Variants in AGMO observed in about 807,000 individuals in gnomAD.
AGMO encodes alkylglycerol monooxygenase, also known as glyceryl-ether monooxygenase.
In AGMO, 75 loss-of-function variants were observed where a neutral mutation model predicts 60.2. That is an observed-to-expected ratio of 1.25 (90% confidence interval 1.03 to 1.51). The LOEUF (loss-of-function observed/expected upper bound fraction) is 1.51. Among genes scored for constraint, AGMO ranks in the 40% most tolerant of loss-of-function variants. The pLI, the probability that AGMO is intolerant of heterozygous loss-of-function variation, is 0.00. For synonymous variants in AGMO, 261 were observed against 177.1 expected (o/e 1.47, Z -3.76); for missense variants, 763 against 525.5 (o/e 1.45, Z -4.42).
intron 5 of AGMO, among the ~76,000 whole-genome samples, chr7:15,400,294 A>G (rs10255475): frequency 0.089 from 13,554 of 152,148 alleles, 1,129 homozygotes; most frequent in African/African-American, 0.22. Context: ...GCAATTTTTA[A>G]TGTTTGGAGA....
At chr7:15,269,557 T>C (rs142946607) in intron 12 of AGMO, among the ~76,000 whole-genome samples, 1 of 151,972 alleles carries the variant, frequency 6.6e-6, no homozygotes, top group Non-Finnish European at 1.5e-5. Flanking sequence ...TTATTGAGGG[T>C]AATAAGGTCC....
chr7:15,464,681 T>C (rs2128509796), intron 3 of AGMO, among the ~76,000 whole-genome samples: 1 of 152,320 alleles, frequency 6.6e-6, no homozygotes, highest in Non-Finnish European at 1.5e-5. Flanking sequence ...GAGACTATAA[T>C]GTCATAACAT....
chr7:15,286,990 T>C (rs1394258936), intron 12 of AGMO, among the ~76,000 whole-genome samples: 2 of 152,244 alleles, frequency 1.3e-5, no homozygotes, highest in East Asian at 1.9e-4. Context: ...CCAAATACCA[T>C]ATGCTTTCAC....
At chr7:15,321,805 G>T (rs2128538905) in intron 12 of AGMO, among the ~76,000 whole-genome samples, 1 of 152,006 alleles carries the variant, frequency 6.6e-6, no homozygotes, top group African/African-American at 2.4e-5. Flanking sequence ...TGGCTAGATT[G>T]ATTATTATTC....
At chr7:15,407,745 A>T (rs1260556671) in intron 5 of AGMO, among the ~76,000 whole-genome samples, 1 of 151,894 alleles carries the variant, frequency 6.6e-6, no homozygotes, top group Non-Finnish European at 1.5e-5. Flanking sequence ...ATGTTTACAT[A>T]TACACACAAA....
At chr7:15,281,764 T>C (rs62450286) in intron 12 of AGMO, among the ~76,000 whole-genome samples, 10,523 of 152,198 alleles carry the variant, frequency 0.069, 537 homozygotes, top group South Asian at 0.19. Flanking sequence ...GCCTAAACTA[T>C]TCAACCCAGT....
chr7:15,373,555 G>T (rs1265118898), intron 10 of AGMO, among the ~76,000 whole-genome samples: 1 of 151,994 alleles, frequency 6.6e-6, no homozygotes, highest in East Asian at 1.9e-4. Flanking sequence ...TCTTGAAGAG[G>T]ACTATCACTG....
At chr7:15,133,976 C>T in the AGMO span, among the ~76,000 whole-genome samples, 1 of 152,134 alleles carries the variant, frequency 6.6e-6, no homozygotes, top group African/African-American at 2.4e-5. Context: ...CTTTTGCACA[C>T]CTTTCTGTTA....
chr7:15,126,843 A>T, the AGMO span, among the ~76,000 whole-genome samples: 1 of 152,082 alleles, frequency 6.6e-6, no homozygotes, highest in Non-Finnish European at 1.5e-5. Flanking sequence ...ATCAACTAAG[A>T]GCCAGGCACC....
chr7:15,395,720 T>G (rs913980663), intron 5 of AGMO, among the ~76,000 whole-genome samples: 1 of 152,234 alleles, frequency 6.6e-6, no homozygotes, highest in South Asian at 2.1e-4. Flanking sequence ...AAAAAGTTTG[T>G]TAAAAATTTA....
the AGMO span, among the ~76,000 whole-genome samples, chr7:15,132,525 T>C: frequency 6.6e-6 from 1 of 152,156 alleles, no homozygotes; most frequent in East Asian, 1.9e-4. Flanking sequence ...TTTCTCCCTC[T>C]CCTTATCTCC....
chr7:15,390,089 G>C (rs571914538), intron 8 of AGMO, among the ~76,000 whole-genome samples: 1 of 151,936 alleles, frequency 6.6e-6, no homozygotes, highest in Admixed American at 6.6e-5. Flanking sequence ...TGACTCTGAC[G>C]GATCAGAGCT....
chr7:15,159,811 C>T, the AGMO span, among the ~76,000 whole-genome samples: 1 of 152,152 alleles, frequency 6.6e-6, no homozygotes, highest in Non-Finnish European at 1.5e-5. Flanking sequence ...TTCTCAAGGT[C>T]CAATCGGTCC....
chr7:15,224,925 T>G (rs1002641862), intron 12 of AGMO, among the ~76,000 whole-genome samples: 3 of 152,028 alleles, frequency 2.0e-5, no homozygotes, highest in Non-Finnish European at 4.4e-5. Flanking sequence ...TTTTTTAACT[T>G]GTGATAAAAA....
chr7:15,280,000 G>A (rs1449568263), intron 12 of AGMO, among the ~76,000 whole-genome samples: 1 of 152,192 alleles, frequency 6.6e-6, no homozygotes, highest in Non-Finnish European at 1.5e-5. Context: ...AGTGGTCACA[G>A]GTTGAAAGAA....
intron 3 of AGMO, among the ~76,000 whole-genome samples, chr7:15,508,647 C>T (rs1238035937): frequency 6.6e-6 from 1 of 151,970 alleles, no homozygotes; most frequent in East Asian, 1.9e-4. Context: ...TAAGAATGCT[C>T]GCACAAGACA....
intron 12 of AGMO, among the ~76,000 whole-genome samples, chr7:15,263,825 A>G (rs549388863): frequency 7.2e-5 from 11 of 152,290 alleles, no homozygotes; most frequent in African/African-American, 2.4e-4. Flanking sequence ...GGAAAACCAA[A>G]CATCGTATGT....
intron 3 of AGMO, among the ~76,000 whole-genome samples, chr7:15,526,288 A>G (rs538771636): frequency 6.6e-6 from 1 of 152,258 alleles, no homozygotes; most frequent in East Asian, 1.9e-4. Flanking sequence ...AGGCCCTACA[A>G]AGCAAAAGTT....
At chr7:15,212,497 A>C (rs943487695) in intron 12 of AGMO, among the ~76,000 whole-genome samples, 1 of 151,930 alleles carries the variant, frequency 6.6e-6, no homozygotes, top group African/African-American at 2.4e-5. Context: ...CTTATTTCTA[A>C]ATCTTCAGGT....
Sources: gnomAD v4.1 joint callset for allele counts (sites outside exome capture counted in the v4.1 genomes callset) on GRCh38, gnomAD v4.1.1 for gene constraint, MANE v1.5 for transcripts, NCBI Gene and HGNC (gene_info 2026-07-23, HGNC 2026-07-21) for gene names.